GMDS: variants seen among roughly 807,000 people sequenced by gnomAD.
The protein encoded by GMDS is GDP-mannose 4,6 dehydratase.
In GMDS, 20 loss-of-function variants were observed where a neutral mutation model predicts 49.9. The observed-to-expected ratio is 0.40, with a 90% CI of 0.28 to 0.58. The LOEUF (loss-of-function observed/expected upper bound fraction) is 0.58. GMDS is among the 20% of genes least tolerant of loss of function. The pLI, the probability that GMDS is intolerant of heterozygous loss-of-function variation, is 0.42. For missense variants in GMDS, 362 were observed against 481.4 expected, an observed-to-expected ratio of 0.75 and a Z score of 2.32; for synonymous variants, 177 against 178.6, an observed-to-expected ratio of 0.99 and a Z score of 0.07.
chr6:1,706,551 G>T (rs536663718), intron 9 of GMDS, among the ~76,000 whole-genome samples: 1 of 152,150 alleles, frequency 6.6e-6, no homozygotes, highest in African/African-American at 2.4e-5. Context: ...ACACATGTTC[G>T]CTAATGAACA....
rs181104482 is a variant in GMDS at position 1,782,184 on chromosome 6, T to C, written c.772-39598A>G. Among the ~76,000 whole-genome samples, 532 of 152,294 alleles carry C rather than the reference T, an allele frequency of 3.5e-3. 2 individuals carry two copies. Among genetic ancestry groups the C allele is most frequent in the African/African-American group, 0.012 (501 of 41,562 alleles). ...TCCAATTCTTTCATTTACTACCTTA[T>C]ACCAACTTAGCCCAAAATATATTTC... is the stretch of plus-strand genomic sequence containing the variant. On this transcript the variant is annotated intron_variant, in intron 7 of 10. Transcript: ENST00000380815.
At chr6:1,629,987 T>TA (rs916011568) in intron 9 of GMDS, among the ~76,000 whole-genome samples, 27 of 152,090 alleles carry the variant, frequency 1.8e-4, no homozygotes, top group East Asian at 1.2e-3. Flanking sequence ...CTTAGGGTGG[T>TA]AAAAAAAGTT....
At chr6:2,097,059 T>C (rs1773645982) in intron 4 of GMDS, among the ~76,000 whole-genome samples, 1 of 151,812 alleles carries the variant, frequency 6.6e-6, no homozygotes, top group Non-Finnish European at 1.5e-5. Flanking sequence ...TTTAATGATA[T>C]CATGCTGTAC....
chr6:1,879,289 A>G (rs943082998), intron 7 of GMDS, among the ~76,000 whole-genome samples: 3 of 152,204 alleles, frequency 2.0e-5, no homozygotes, highest in Non-Finnish European at 4.4e-5. Flanking sequence ...CAAGAAGAAA[A>G]AACATTAAAT....
At chr6:2,147,051 C>A (rs547223977) in intron 1 of GMDS, among the ~76,000 whole-genome samples, 2 of 152,260 alleles carry the variant, frequency 1.3e-5, no homozygotes, top group African/African-American at 4.8e-5. Flanking sequence ...ACTGGCACTG[C>A]AGGACCAAAG....
intron 7 of GMDS, among the ~76,000 whole-genome samples, chr6:1,910,420 T>C (rs975184118): frequency 6.6e-6 from 1 of 152,138 alleles, no homozygotes; most frequent in South Asian, 2.1e-4. Flanking sequence ...AACACTACGT[T>C]CTGTTAGCAG....
At chr6:2,121,579 C>CACGG (rs1271509545) in intron 2 of GMDS, among the ~76,000 whole-genome samples, 112 of 152,300 alleles carry the variant, frequency 7.4e-4, no homozygotes, top group Non-Finnish European at 7.3e-5. Flanking sequence ...GGCAAGGCCC[C>CACGG]ACGGCTTCAG....
At chr6:1,749,579 A>T (rs1483732665) in intron 7 of GMDS, among the ~76,000 whole-genome samples, 1 of 89,502 alleles carries the variant, frequency 1.1e-5, no homozygotes, top group Non-Finnish European at 2.3e-5. Context: ...GGTGACAGAG[A>T]CTTTATCTCA....
chr6:2,070,326 A>C (rs1015214004), intron 4 of GMDS, among the ~76,000 whole-genome samples: 5 of 150,280 alleles, frequency 3.3e-5, no homozygotes, highest in African/African-American at 1.2e-4. Context: ...CTAGATGACG[A>C]GTTAGTGGGT....
At chr6:2,239,952 G>A (rs1180878070) in intron 1 of GMDS, among the ~76,000 whole-genome samples, 1 of 152,186 alleles carries the variant, frequency 6.6e-6, no homozygotes, top group East Asian at 1.9e-4. Context: ...GCCCGCCTCA[G>A]CCTCCCAAAG....
chr6:1,958,250 A>G, intron 6 of GMDS, among the ~76,000 whole-genome samples: 1 of 151,874 alleles, frequency 6.6e-6, no homozygotes, highest in Admixed American at 6.6e-5. Flanking sequence ...CAACCCAGGA[A>G]TGTTTTTCCC....
intron 7 of GMDS, among the ~76,000 whole-genome samples, chr6:1,803,495 A>C (rs1194041483): frequency 6.6e-6 from 1 of 152,076 alleles, no homozygotes; most frequent in Non-Finnish European, 1.5e-5. Flanking sequence ...CCACAGTATT[A>C]TCAAGGCTAC....
At chr6:1,895,979 A>G (rs1427905156) in intron 7 of GMDS, among the ~76,000 whole-genome samples, 1 of 152,160 alleles carries the variant, frequency 6.6e-6, no homozygotes. Flanking sequence ...AAGCTGAGTG[A>G]TTCATCGTTC....
At chr6:2,165,013 A>ATCTC (rs1245862125) in intron 1 of GMDS, among the ~76,000 whole-genome samples, 4 of 152,212 alleles carry the variant, frequency 2.6e-5, no homozygotes, top group African/African-American at 4.8e-5. Context: ...TATCTTGTAT[A>ATCTC]TCTCTATTGC....
At chr6:1,703,668 C>T (rs1304795390) in intron 9 of GMDS, among the ~76,000 whole-genome samples, 2 of 152,252 alleles carry the variant, frequency 1.3e-5, no homozygotes, top group East Asian at 3.9e-4. Flanking sequence ...CCACAGCTGC[C>T]AGGTGTACTG....
intron 7 of GMDS, among the ~76,000 whole-genome samples, chr6:1,901,092 G>C (rs1760482318): frequency 6.6e-6 from 1 of 152,218 alleles, no homozygotes; most frequent in Admixed American, 6.5e-5. Context: ...AGCAGCCCTT[G>C]GGTGCCTGCA....
intron 1 of GMDS, among the ~76,000 whole-genome samples, chr6:2,203,333 C>T (rs1310602113): frequency 6.6e-6 from 1 of 152,084 alleles, no homozygotes; most frequent in Non-Finnish European, 1.5e-5. Context: ...AACAATTCTC[C>T]AATTTAAAAA....
intron 4 of GMDS, among the ~76,000 whole-genome samples, chr6:1,991,051 A>C (rs1581475005): frequency 6.6e-6 from 1 of 150,888 alleles, no homozygotes; most frequent in African/African-American, 2.4e-5. Context: ...TGGGTTCTCT[A>C]CCCCTCCTCT....
chr6:2,159,997 C>T (rs1317043310), intron 1 of GMDS, among the ~76,000 whole-genome samples: 2 of 151,952 alleles, frequency 1.3e-5, no homozygotes, highest in Non-Finnish European at 2.9e-5. Flanking sequence ...TGCACAGGAG[C>T]ATAAATTAAC....
Sources: allele counts gnomAD v4.1 joint callset (sites outside exome capture counted in the v4.1 genomes callset), GRCh38; gene constraint gnomAD v4.1.1; transcripts MANE v1.5; gene names NCBI Gene and HGNC (gene_info 2026-07-23, HGNC 2026-07-21).